Variants in RBFOX3 observed in about 807,000 individuals in gnomAD.
RBFOX3 encodes the protein RNA binding protein fox-1 homolog 3.
Under a neutral mutation model 48.7 loss-of-function variants are expected in RBFOX3, and 17 were observed. The observed-to-expected ratio is 0.35, with a 90% CI of 0.24 to 0.52. The LOEUF (loss-of-function observed/expected upper bound fraction) is 0.52, where lower values mean the gene tolerates loss of function less well. RBFOX3 is among the 20% of genes least tolerant of loss of function. RBFOX3 has a pLI of 0.94. For synonymous variants in RBFOX3, 212 were observed against 209.5 expected, an observed-to-expected ratio of 1.01 and a Z score of -0.10; for missense variants, 382 against 497.5, an observed-to-expected ratio of 0.77 and a Z score of 2.21.
At chr17:79,388,056 G>A (rs1332007037) in intron 2 of RBFOX3, among the ~76,000 whole-genome samples, 2 of 103,846 alleles carry the variant, frequency 1.9e-5, no homozygotes, top group Non-Finnish European at 4.4e-5. Flanking sequence ...GTACATGTGT[G>A]CACTGTGCAG....
At chr17:79,559,934 G>A (rs1377637210) in intron 1 of RBFOX3, among the ~76,000 whole-genome samples, 1 of 144,808 alleles carries the variant, frequency 6.9e-6, no homozygotes, top group East Asian at 2.1e-4. Flanking sequence ...GGGTGGGTGG[G>A]TAGGTGGATG....
intron 4 of RBFOX3, among the ~76,000 whole-genome samples, chr17:79,134,648 C>T (rs1162326343): frequency 6.6e-6 from 1 of 152,244 alleles, no homozygotes; most frequent in Non-Finnish European, 1.5e-5. Context: ...TCACAAACCA[C>T]AGCTGTCCCA....
At position 79,390,897 on chromosome 17, in the gene RBFOX3, G is replaced by A. The variant is rs2148188401; in HGVS notation, c.-174-83073C>T. On this transcript the variant is annotated intron_variant, in intron 2 of 14. Transcript: ENST00000693108. The surrounding 1 kb of genome is among the most constrained non-coding windows in gnomAD (Gnocchi z 4.2). ...GACACCTCGGGATGAGCCCCTGGTG[G>A]GACTGCTCGGGTGCCGGCAGGGAGT... is the stretch of plus-strand genomic sequence containing the variant. 6.6e-6 allele frequency among the ~76,000 whole-genome samples: 1 copy of A among 152,264 alleles called. No individual in the cohort carries two copies. The highest frequency in any genetic ancestry group is 2.1e-4 in the South Asian group (1 of 4,830).
chr17:79,566,563 T>C (rs2092462074), intron 1 of RBFOX3, among the ~76,000 whole-genome samples: 1 of 152,196 alleles, frequency 6.6e-6, no homozygotes, highest in Non-Finnish European at 1.5e-5. Context: ...ACCCCAGTCC[T>C]TCCATGCTTT....
chr17:79,378,639 ACCT>A (rs1484828065), intron 2 of RBFOX3, among the ~76,000 whole-genome samples: 2 of 150,894 alleles, frequency 1.3e-5, no homozygotes, highest in Non-Finnish European at 3.0e-5. Context: ...GGAAAAAGAA[ACCT>A]CCTCTCGCTC....
intron 2 of RBFOX3, among the ~76,000 whole-genome samples, chr17:79,339,525 G>T (rs1878780917): frequency 6.6e-6 from 1 of 152,202 alleles, no homozygotes; most frequent in Non-Finnish European, 1.5e-5. Flanking sequence ...CTGGTGGGAG[G>T]GAAGGAGGAA....
At position 79,390,478 on chromosome 17, in the gene RBFOX3, C is replaced by CTT. The variant is rs11330992; in HGVS notation, c.-174-82656_-174-82655dup. Among the ~76,000 whole-genome samples, 34 of 141,296 alleles carry CTT rather than the reference C, an allele frequency of 2.4e-4. No individual in the cohort carries two copies. The highest frequency in any genetic ancestry group is 2.3e-4 in the South Asian group (1 of 4,326). 92.7% of individuals were successfully genotyped at this position (141,296 alleles called of 152,430 possible). ...TGGAAATACAGTCTTTGCGCCACTG[C>CTT]TTTTTTTTTTTTTTTTTAGATGGAG... On this transcript the variant is annotated intron_variant, in intron 2 of 14. Transcript: ENST00000693108. The surrounding 1 kb of genome is among the most constrained non-coding windows in gnomAD (Gnocchi z 4.2).
the RBFOX3 span, among the ~76,000 whole-genome samples, chr17:79,633,227 C>A: frequency 6.6e-6 from 1 of 152,264 alleles, no homozygotes; most frequent in African/African-American, 2.4e-5. Context: ...ACAGCTAAGA[C>A]TCAGCCACCT....
intron 2 of RBFOX3, among the ~76,000 whole-genome samples, chr17:79,452,454 A>G (rs554344408): frequency 6.6e-6 from 1 of 152,336 alleles, no homozygotes; most frequent in African/African-American, 2.4e-5. Flanking sequence ...ATGCTCAGAC[A>G]TGGACGTGGT....
intron 4 of RBFOX3, among the ~76,000 whole-genome samples, chr17:79,171,492 G>A (rs769528846): frequency 6.6e-6 from 1 of 152,286 alleles, no homozygotes; most frequent in East Asian, 1.9e-4. Flanking sequence ...GTAAACAAAT[G>A]AGCGTGGCTG....
chr17:79,165,165 C>T (rs892617790), intron 4 of RBFOX3, among the ~76,000 whole-genome samples: 65 of 152,278 alleles, frequency 4.3e-4, no homozygotes, highest in African/African-American at 1.4e-3. Flanking sequence ...CCTCCAGCAT[C>T]TTCCTGCACA....
intron 3 of RBFOX3, among the ~76,000 whole-genome samples, chr17:79,303,533 G>A (rs543162597): frequency 1.3e-5 from 2 of 152,134 alleles, no homozygotes; most frequent in African/African-American, 4.8e-5. Flanking sequence ...AGTCCCCTGA[G>A]CATTTTCTCT....
rs570005907 is a variant in RBFOX3, at chr17:79,497,776, G to A, written c.-319-15178C>T. On this transcript the variant is annotated intron_variant, in intron 1 of 14. Transcript: ENST00000693108. Reference sequence around the variant, plus strand: ...ACCTTACAGCAACACAGATGGGCACGGCCAAAGCTGCTCCCCTCCCCTCTG... The same window carrying A: ...ACCTTACAGCAACACAGATGGGCACAGCCAAAGCTGCTCCCCTCCCCTCTG... Among the ~76,000 whole-genome samples, 70 of 152,312 alleles carry A rather than the reference G, an allele frequency of 4.6e-4. No homozygotes were observed. In the South Asian group the frequency reaches 0.01, roughly 22 times the overall value.
At position 79,490,223 on chromosome 17, in the gene RBFOX3, A is replaced by G. The variant is rs2080287024; in HGVS notation, c.-319-7625T>C. Among the ~76,000 whole-genome samples, 3 of 152,212 alleles carry G rather than the reference A, an allele frequency of 2.0e-5. No individual in the cohort carries two copies. In the South Asian group the frequency reaches 6.2e-4, roughly 32 times the overall value. On this transcript the variant is annotated intron_variant, in intron 1 of 14. Transcript: ENST00000693108. ...TTCTTTTTTAATACCAGTGTGTTTT[A>G]ATAATACAGTGTACCTTTTGGTATT...
intron 1 of RBFOX3, among the ~76,000 whole-genome samples, chr17:79,505,418 T>G (rs1020488708): frequency 3.7e-4 from 56 of 152,114 alleles, no homozygotes; most frequent in Non-Finnish European, 7.6e-4. Flanking sequence ...CTGTGTGTCC[T>G]ACACTTGCCT....
intron 1 of RBFOX3, among the ~76,000 whole-genome samples, chr17:79,495,509 T>TGGGAAGGTG: frequency 3.1e-5 from 1 of 32,598 alleles, no homozygotes; most frequent in African/African-American, 1.7e-4. Context: ...GTGCAGAGGG[T>TGGGAAGGTG]GGGGAGGTGG....
intron 2 of RBFOX3, among the ~76,000 whole-genome samples, chr17:79,343,134 T>C (rs1598328506): frequency 6.6e-6 from 1 of 152,218 alleles, no homozygotes; most frequent in East Asian, 1.9e-4. Context: ...CTGTGACTTG[T>C]CCTTTAGATG....
intron 4 of RBFOX3, among the ~76,000 whole-genome samples, chr17:79,188,776 AG>A (rs2053921870): frequency 6.6e-6 from 1 of 152,190 alleles, no homozygotes; most frequent in Admixed American, 6.5e-5. Context: ...ACCGAGCAAA[AG>A]GAACATCTGA....
At chr17:79,606,756 G>A (rs1171837419) in intron 1 of RBFOX3, among the ~76,000 whole-genome samples, 2 of 152,220 alleles carry the variant, frequency 1.3e-5, no homozygotes, top group Admixed American at 6.5e-5. Flanking sequence ...CACAGCATAT[G>A]TATGTGTGCA....
Sources: gnomAD v4.1 joint callset for allele counts (sites outside exome capture counted in the v4.1 genomes callset) on GRCh38, gnomAD v4.1.1 for gene constraint, Gnocchi (gnomAD v3.1) non-coding constraint, MANE v1.5 for transcripts, NCBI Gene and HGNC (gene_info 2026-07-23, HGNC 2026-07-21) for gene names.